KCNG3: variants seen among roughly 807,000 people sequenced by gnomAD.
The protein encoded by KCNG3 is voltage-gated potassium channel regulatory subunit KCNG3.
In KCNG3, 15 loss-of-function variants were observed where a neutral mutation model predicts 29.0. That is an observed-to-expected ratio of 0.52 (90% CI 0.35 to 0.80). The LOEUF is 0.80. Among genes scored for constraint, KCNG3 ranks in the 30% least tolerant of loss-of-function variants. The pLI is 0.01. For synonymous variants in KCNG3, 322 were observed against 248.9 expected, an observed-to-expected ratio of 1.29 and a Z score of -2.76; for missense variants, 512 against 605.7, an observed-to-expected ratio of 0.85 and a Z score of 1.62.
intron 1 of KCNG3, among the ~76,000 whole-genome samples, chr2:42,472,659 C>T (rs1673317216): frequency 6.6e-6 from 1 of 151,574 alleles, no homozygotes; most frequent in Non-Finnish European, 1.5e-5. Context: ...CCAACATACC[C>T]GGCTAATTTT....
the KCNG3 span, among the ~76,000 whole-genome samples, chr2:42,407,927 G>C: frequency 6.6e-6 from 1 of 152,214 alleles, no homozygotes; most frequent in Non-Finnish European, 1.5e-5. Flanking sequence ...TGGGGGCCCA[G>C]AAAGCCCCAC....
At chr2:42,435,021 G>A in the KCNG3 span, among the ~76,000 whole-genome samples, 1 of 152,154 alleles carries the variant, frequency 6.6e-6, no homozygotes, top group Non-Finnish European at 1.5e-5. Flanking sequence ...GAGAAAACAG[G>A]GCTGGGCGCA....
At chr2:42,400,158 T>G in the KCNG3 span, among the ~76,000 whole-genome samples, 1 of 152,104 alleles carries the variant, frequency 6.6e-6, no homozygotes, top group African/African-American at 2.4e-5. Context: ...TGGGTGGTCT[T>G]AGTCCTGTCC....
intron 1 of KCNG3, among the ~76,000 whole-genome samples, chr2:42,490,185 C>T (rs1394246024): frequency 1.3e-5 from 2 of 152,216 alleles, no homozygotes; most frequent in Admixed American, 6.5e-5. Flanking sequence ...AAGTTTCTTG[C>T]CCACGATGTT....
chr2:42,473,333 T>G (rs557087204), intron 1 of KCNG3, among the ~76,000 whole-genome samples: 1 of 152,206 alleles, frequency 6.6e-6, no homozygotes, highest in East Asian at 1.9e-4. Context: ...CTTCTACCAT[T>G]GTAAAGCATG....
At position 42,443,311 on chromosome 2, in the gene KCNG3, T is replaced by C. The variant is rs1672527011; in HGVS notation, c.*623A>G. On this transcript the variant is annotated 3_prime_UTR_variant, in exon 2 of 2. Transcript: ENST00000306078. Reference sequence around the variant, plus strand: ...AAGGGAGAACATACTCAAGCTTCCATGAAGCGGCACGATAAGGTGAATAAT... The same window carrying C: ...AAGGGAGAACATACTCAAGCTTCCACGAAGCGGCACGATAAGGTGAATAAT... 1 of 152,596 alleles carries C rather than the reference T, an allele frequency of 6.6e-6. No individual in the cohort carries two copies. The highest frequency in any genetic ancestry group is 2.4e-5 in the African/African-American group (1 of 41,460). 9.5% of individuals were successfully genotyped at this position (152,596 alleles called of 1,614,324 possible). A position where few individuals can be genotyped will look rare whatever the true frequency, so the allele number is the denominator to read the frequency against.
chr2:42,479,589 T>C (rs1357878411), intron 1 of KCNG3, among the ~76,000 whole-genome samples: 1 of 147,384 alleles, frequency 6.8e-6, no homozygotes, highest in African/African-American at 2.5e-5. Context: ...GAGGCTGCAG[T>C]GAGCCAAGAT....
chr2:42,463,175 AC>A, intron 1 of KCNG3: 1 of 345,992 alleles, frequency 2.9e-6, no homozygotes. Context: ...GCTCATGGCC[AC>A]CAGCATCGAC....
At position 42,493,060 on chromosome 2, in the gene KCNG3, C is replaced by G. The variant is rs1356372350; in HGVS notation, c.442G>C (p.Ala148Pro). The G allele has an allele frequency of 6.5e-7, 1 of 1,527,330 alleles. No homozygotes were observed. The highest frequency in any genetic ancestry group is 8.8e-7 in the Non-Finnish European group (1 of 1,141,894). The allele number at this position is 1,527,330 out of a possible 1,614,324, so 94.6% of individuals were successfully genotyped here. A position where few individuals can be genotyped will look rare whatever the true frequency, so the allele number is the denominator to read the frequency against. Reference protein sequence around the residue: ...DEARPGGAEAAPSRRWLERMR... With the variant: ...DEARPGGAEAPPSRRWLERMR... ...CGCTCCAGCCAGCGCCTGGAGGGAG[C>G]CGCCTCGGCCCCGCCGGGGCGCGCC... Residue 148 changes from alanine to proline, a missense_variant, in exon 1 of 2, where the codon GCT (alanine) becomes CCT (proline). Transcript: ENST00000306078.
intron 1 of KCNG3, chr2:42,463,953 C>T: frequency 3.0e-6 from 1 of 330,544 alleles, no homozygotes; most frequent in South Asian, 2.5e-5. Context: ...TGAACACATC[C>T]CTGGCAGATT....
rs1027624426 is a variant in KCNG3 at position 42,442,825 on chromosome 2, G to C, written c.*1109C>G. On this transcript the variant is annotated 3_prime_UTR_variant, in exon 2 of 2. Coordinates refer to ENST00000306078, the MANE Select transcript of KCNG3 (RefSeq NM_133329.6). ...TCAGTATTCTTACAAGAAGAGTTTTGGTGTAGCTGTGATTCACAATAGTTA... is the reference window on the plus strand; with the variant it reads ...TCAGTATTCTTACAAGAAGAGTTTTCGTGTAGCTGTGATTCACAATAGTTA... The C allele has an allele frequency of 6.6e-6, 1 of 152,012 alleles. No homozygotes were observed. Among genetic ancestry groups the C allele is most frequent in the African/African-American group, 2.4e-5 (1 of 41,376 alleles). The allele number at this position is 152,012 out of a possible 1,614,324, so 9.4% of individuals were successfully genotyped here.
intron 1 of KCNG3, among the ~76,000 whole-genome samples, chr2:42,446,811 G>A (rs1057157880): frequency 6.6e-6 from 1 of 151,908 alleles, no homozygotes; most frequent in African/African-American, 2.4e-5. Context: ...CATTCACATG[G>A]CTTAAATCAC....
At chr2:42,464,658 C>T (rs1673097696) in intron 1 of KCNG3, among the ~76,000 whole-genome samples, 1 of 152,314 alleles carries the variant, frequency 6.6e-6, no homozygotes, top group East Asian at 1.9e-4. Flanking sequence ...CCAGTCTTCT[C>T]ACGCCTCTTG....
chr2:42,446,535 T>A (rs1374835256), intron 1 of KCNG3, among the ~76,000 whole-genome samples: 1 of 152,146 alleles, frequency 6.6e-6, no homozygotes, highest in African/African-American at 2.4e-5. Context: ...CACTTGTTTT[T>A]CTCCACATAA....
intron 1 of KCNG3, among the ~76,000 whole-genome samples, chr2:42,481,444 T>C (rs1673582554): frequency 6.6e-6 from 1 of 152,170 alleles, no homozygotes; most frequent in African/African-American, 2.4e-5. Context: ...ACTGAGGTTC[T>C]AACTGGCTTC....
chr2:42,466,596 T>C (rs1456975084), intron 1 of KCNG3, among the ~76,000 whole-genome samples: 3 of 152,088 alleles, frequency 2.0e-5, no homozygotes, highest in Non-Finnish European at 2.9e-5. Flanking sequence ...GGACTCTCTA[T>C]GACGTTCACA....
intron 1 of KCNG3, among the ~76,000 whole-genome samples, chr2:42,461,914 T>C (rs547392245): frequency 6.6e-6 from 1 of 152,344 alleles, no homozygotes; most frequent in Non-Finnish European, 1.5e-5. Context: ...GGCTTCAAGA[T>C]AGTTTTTATC....
At chr2:42,451,251 C>A in intron 1 of KCNG3, among the ~76,000 whole-genome samples, 2 of 146,742 alleles carry the variant, frequency 1.4e-5, no homozygotes. Flanking sequence ...ATATGTCAAC[C>A]ATTTGGTCTC....
At chr2:42,389,729 G>A in the KCNG3 span, among the ~76,000 whole-genome samples, 1 of 152,154 alleles carries the variant, frequency 6.6e-6, no homozygotes, top group African/African-American at 2.4e-5. Context: ...TAACTAAACT[G>A]CAGACTTTAC....
Sources: allele counts gnomAD v4.1 joint callset (sites outside exome capture counted in the v4.1 genomes callset), GRCh38; gene constraint gnomAD v4.1.1; transcripts MANE v1.5; gene names NCBI Gene and HGNC (gene_info 2026-07-23, HGNC 2026-07-21).